DDC: variants seen among roughly 807,000 people sequenced by gnomAD.
DDC encodes aromatic-L-amino-acid decarboxylase.
Under a neutral mutation model 60.0 loss-of-function variants are expected in DDC, and 43 were observed. The observed-to-expected ratio is 0.72, with a 90% CI of 0.56 to 0.92. The LOEUF (loss-of-function observed/expected upper bound fraction) is 0.92, where lower values mean the gene tolerates loss of function less well. Among genes scored for constraint, DDC ranks in the 40% least tolerant of loss-of-function variants. DDC has a pLI of 0.00. For synonymous variants in DDC, 232 were observed against 234.6 expected, an observed-to-expected ratio of 0.99 and a Z score of 0.10; for missense variants, 573 against 620.2, an observed-to-expected ratio of 0.92 and a Z score of 0.81.
At chr7:50,535,172 T>A (rs1486226516) in intron 4 of DDC, among the ~76,000 whole-genome samples, 7 of 152,020 alleles carry the variant, frequency 4.6e-5, no homozygotes. Flanking sequence ...TTTTTTTTTT[T>A]CTTGATGGAG....
intron 8 of DDC, among the ~76,000 whole-genome samples, chr7:50,496,308 C>T (rs748495888): frequency 2.6e-5 from 4 of 152,084 alleles, no homozygotes; most frequent in Non-Finnish European, 4.4e-5. Flanking sequence ...AGGCTGATCT[C>T]GAACTCTTGG....
chr7:50,495,493 GATA>G (rs2043108234), intron 8 of DDC, 76 bp from the exon 9 acceptor site: 5 of 1,193,860 alleles, frequency 4.2e-6, no homozygotes, highest in Non-Finnish European at 3.6e-6. Flanking sequence ...CCCCATACAT[GATA>G]ATAAAAGTTT....
intron 9 of DDC, among the ~76,000 whole-genome samples, chr7:50,490,520 A>G (rs1362302063): frequency 6.6e-6 from 1 of 152,194 alleles, no homozygotes; most frequent in African/African-American, 2.4e-5. Context: ...AATACAAAAA[A>G]TTAGGCAGGC....
intron 11 of DDC, among the ~76,000 whole-genome samples, chr7:50,472,417 C>T (rs2042554331): frequency 6.6e-6 from 1 of 152,138 alleles, no homozygotes; most frequent in African/African-American, 2.4e-5. Flanking sequence ...GATCTATTTC[C>T]TGGTACTTTT....
rs4602840 is a variant in DDC at position 50,495,123 on chromosome 7, C to A, written c.944+227G>T. On this transcript the variant is annotated intron_variant, in intron 9 of 14. Transcript: ENST00000444124. ...TGGATAAATCAAATAAAAAATTGTC[C>A]TTTTTAGGCTTCTCATTTCTTATGC... Among the ~76,000 whole-genome samples the A allele has an allele frequency of 0.095, 14,454 of 152,186 alleles. 1,062 individuals carry two copies. The highest frequency in any genetic ancestry group is 0.12 in the South Asian group (569 of 4,818).
intron 1 of DDC, among the ~76,000 whole-genome samples, chr7:50,555,561 G>T (rs1184624452): frequency 6.6e-6 from 1 of 152,092 alleles, no homozygotes; most frequent in Non-Finnish European, 1.5e-5. Flanking sequence ...ACACACACTT[G>T]CGACTGTCTT....
intron 10 of DDC, 38 bp from the exon 11 acceptor site, chr7:50,476,681 T>A: frequency 6.3e-7 from 1 of 1,589,610 alleles, no homozygotes; most frequent in Admixed American, 1.7e-5. Flanking sequence ...AAGAAATCGT[T>A]AGACAGGTTT....
chr7:50,540,117 C>A (rs2044574046), intron 2 of DDC, 89 bp from the exon 3 acceptor site: 4 of 975,944 alleles, frequency 4.1e-6, no homozygotes, highest in Non-Finnish European at 3.2e-6. Context: ...TGGCTCCCAG[C>A]TGCCAGATGC....
chr7:50,462,245 A>T lies in DDC; in HGVS notation c.*18+968T>A, dbSNP rs932140482. On this transcript the variant is annotated intron_variant, in intron 14 of 14. Coordinates refer to ENST00000444124, the MANE Select transcript of DDC (RefSeq NM_001082971.2). ...AAAAGACAAAAAAAAAAAAAAAAAA[A>T]AAAGAAAATAAACAGAAAAAGGTAG... Among the ~76,000 whole-genome samples, 5 of 150,362 alleles carry T rather than the reference A, an allele frequency of 3.3e-5. No homozygotes were observed. In the East Asian group the frequency reaches 9.6e-4, roughly 29 times the overall value.
At chr7:50,485,474 A>G (rs1340414302) in intron 9 of DDC, among the ~76,000 whole-genome samples, 1 of 152,230 alleles carries the variant, frequency 6.6e-6, no homozygotes, top group Non-Finnish European at 1.5e-5. Flanking sequence ...CAAAAGAGAA[A>G]CACTTCTAAT....
chr7:50,564,870 C>T (rs757443210), intron 1 of DDC, among the ~76,000 whole-genome samples: 21 of 152,184 alleles, frequency 1.4e-4, no homozygotes, highest in Non-Finnish European at 2.9e-4. Flanking sequence ...TACTAATCAC[C>T]TCCATAAAAT....
chr7:50,539,725 T>C (rs1252813545), intron 3 of DDC, 190 bp downstream of exon 3: 1 of 593,744 alleles, frequency 1.7e-6, no homozygotes, highest in Non-Finnish European at 3.1e-6. Flanking sequence ...AGACTTTCTC[T>C]GTTCTCAATC....
At chr7:50,562,948 C>T (rs1211039212) in intron 1 of DDC, among the ~76,000 whole-genome samples, 3 of 152,142 alleles carry the variant, frequency 2.0e-5, no homozygotes, top group Non-Finnish European at 2.9e-5. Context: ...GGGCACATCA[C>T]CTGAGGTCAG....
intron 9 of DDC, among the ~76,000 whole-genome samples, chr7:50,487,321 A>G (rs59239231): frequency 0.12 from 19,008 of 152,182 alleles, 1,402 homozygotes; most frequent in African/African-American, 0.21. Context: ...ACTTAAAGTC[A>G]TATTATATTA....
chr7:50,517,825 T>TAAAA (rs59421951), intron 6 of DDC, among the ~76,000 whole-genome samples: 40 of 76,162 alleles, frequency 5.3e-4, no homozygotes, highest in African/African-American at 1.8e-3. Flanking sequence ...TTATAATAGC[T>TAAAA]AAAAAAAAAA....
At chr7:50,476,685 C>A (rs778915680) in intron 10 of DDC, 42 bp from the exon 11 acceptor site, 4 of 1,582,582 alleles carry the variant, frequency 2.5e-6, no homozygotes, top group Non-Finnish European at 3.5e-6. Flanking sequence ...AATCGTTAGA[C>A]AGGTTTGTTG....
chr7:50,552,754 T>C (rs2045047456), intron 1 of DDC, among the ~76,000 whole-genome samples: 1 of 152,186 alleles, frequency 6.6e-6, no homozygotes, highest in East Asian at 1.9e-4. Flanking sequence ...GAATGAATGA[T>C]ATTTGGTCCT....
chr7:50,462,874 A>G (rs1287864509), intron 14 of DDC, among the ~76,000 whole-genome samples: 2 of 145,450 alleles, frequency 1.4e-5, no homozygotes, highest in Admixed American at 1.5e-4. Flanking sequence ...GGTTCATGCG[A>G]TTCTCCTGCC....
At chr7:50,519,544 A>G (rs1342456188) in intron 6 of DDC, among the ~76,000 whole-genome samples, 1 of 152,226 alleles carries the variant, frequency 6.6e-6, no homozygotes. Context: ...TATACATACA[A>G]TGGAATACTA....
Sources: gnomAD v4.1 joint callset for allele counts (sites outside exome capture counted in the v4.1 genomes callset) on GRCh38, gnomAD v4.1.1 for gene constraint, MANE v1.5 for transcripts, NCBI Gene and HGNC (gene_info 2026-07-23, HGNC 2026-07-21) for gene names.